MIDN: variants seen among roughly 807,000 people sequenced by gnomAD.
The protein encoded by MIDN is midbrain nucleolar protein.
In MIDN, 26 loss-of-function variants were observed where a neutral mutation model predicts 46.1. That is an observed-to-expected ratio of 0.56 (90% CI 0.41 to 0.78). The LOEUF is 0.78. Ranked by LOEUF, MIDN falls within the 30% of genes least tolerant of loss-of-function variation. The pLI is 0.00. For synonymous variants in MIDN, 432 were observed against 343.3 expected (o/e 1.26, Z -2.86); for missense variants, 850 against 771.8 (o/e 1.10, Z -1.20).
rs553934553 is a variant in MIDN, at chr19:1,251,729, C to T, written c.321+80C>T. 1,275 of 1,521,352 alleles carry T rather than the reference C, an allele frequency of 8.4e-4. 2 individuals carry two copies. Among genetic ancestry groups the T allele is most frequent in the Non-Finnish European group, 1.1e-3 (1,199 of 1,110,002 alleles). 94.2% of individuals were successfully genotyped at this position (1,521,352 alleles called of 1,614,324 possible). On this transcript the variant is annotated intron_variant, in intron 3 of 8. Coordinates refer to ENST00000682408, the MANE Select transcript of MIDN (RefSeq NM_001388306.1). ...CCCTCCCTCGGTACCTGTCCGCACA[C>T]ACACTACCTGGGGCCCCCACCCCGC...
In MIDN at chr19:1,254,900, A is replaced by G. The variant is rs774473060; in HGVS notation, c.826-2A>G. On this transcript the variant is annotated splice_acceptor_variant, in intron 6 of 8. Transcript: ENST00000682408. LOFTEE classifies it high-confidence loss of function. Reference sequence around the variant, plus strand: ...TGCTCATGTGCCCCTTCCTCCCATCAGCAGATGGACTGCTCCCCCACGGCC... The same window carrying G: ...TGCTCATGTGCCCCTTCCTCCCATCGGCAGATGGACTGCTCCCCCACGGCC... The G allele has an allele frequency of 6.3e-7, 1 of 1,599,076 alleles. No homozygotes were observed. The highest frequency in any genetic ancestry group is 1.3e-5 in the African/African-American group (1 of 74,536).
rs764226378 is a variant in MIDN at position 1,254,114 on chromosome 19, GC to G, written c.513+33del. ...GCGCGGGGGGACTGGGCCGGGCTGG[GC>G]TGGGGGCGCCGCAAGCTGGGGCTCC... On this transcript the variant is annotated intron_variant, in intron 5 of 8. Transcript: ENST00000682408. 3 of 1,553,704 alleles carry G rather than the reference GC, an allele frequency of 1.9e-6. No individual in the cohort carries two copies. In the South Asian group the frequency reaches 3.5e-5, roughly 18 times the overall value.
chr19:1,255,344 G>A (rs1024477880), intron 7 of MIDN, 78 bp from the exon 8 acceptor site: 25 of 1,472,894 alleles, frequency 1.7e-5, no homozygotes, highest in Non-Finnish European at 2.1e-5. Flanking sequence ...GAGCTCATGA[G>A]CTCACACCCG....
chr19:1,256,848 A>T, intron 8 of MIDN, 147 bp from the exon 9 acceptor site: 1 of 1,185,262 alleles, frequency 8.4e-7, no homozygotes, highest in Non-Finnish European at 1.2e-6. Context: ...GGCATGGTGG[A>T]TGTCCTTGAC....
At position 1,253,978 on chromosome 19, in the gene MIDN, CGGGCT is replaced by C. The variant is rs1599983332; in HGVS notation, c.412_416del (p.Ala138ArgfsTer13). On this transcript the variant is annotated frameshift_variant, in exon 5 of 9. Coordinates refer to ENST00000682408, the MANE Select transcript of MIDN (RefSeq NM_001388306.1). LOFTEE classifies it high-confidence loss of function. The stretch of plus-strand genomic sequence containing the variant: ...GCCCCCAGCGGCGCCCGGGCCGGGC[CGGGCT>C]GGCGGAGGAGGCTTCCGGAAATACA... The C allele has an allele frequency of 7.2e-7, 1 of 1,393,842 alleles. No individual in the cohort carries two copies. Among genetic ancestry groups the C allele is most frequent in the Non-Finnish European group, 9.2e-7 (1 of 1,081,936 alleles). The allele number at this position is 1,393,842 out of a possible 1,614,324, so 86.3% of individuals were successfully genotyped here. A position where few individuals can be genotyped will look rare whatever the true frequency, so the allele number is the denominator to read the frequency against.
At chr19:1,254,626 C>T (rs1046814994) in intron 6 of MIDN, 148 bp downstream of exon 6, 7 of 906,764 alleles carry the variant, frequency 7.7e-6, no homozygotes, top group Non-Finnish European at 1.2e-5. Flanking sequence ...GGTGGGTGAT[C>T]CCCCAGCCTA....
intron 8 of MIDN, among the ~76,000 whole-genome samples, chr19:1,256,459 G>A (rs1277439302): frequency 6.7e-6 from 1 of 149,708 alleles, no homozygotes; most frequent in Non-Finnish European, 1.5e-5. Context: ...TCCAGCCTGG[G>A]CGACAGAGCG....
chr19:1,256,188 A>C (rs554706703), intron 8 of MIDN, among the ~76,000 whole-genome samples: 1 of 152,228 alleles, frequency 6.6e-6, no homozygotes. Flanking sequence ...AGCTCAGTTT[A>C]AAAGTGGGAA....
Position 1,255,444 on chromosome 19 carries a change from A to G in MIDN, c.1008A>G (p.Gln336=), listed in dbSNP as rs1334518198. The G allele has an allele frequency of 5.6e-6, 9 of 1,599,274 alleles. No homozygotes were observed. The South Asian group carries it at 6.7e-5, about 12-fold the overall frequency. ...TFSGTLHPNC[Q]DSSGRPRRDI... is the part of the protein sequence containing the mutation. ...CAGGCACGCTACACCCCAACTGCCAAGACAGCAGCGGGCGGCCGCGGCGTG... is the reference window on the plus strand; with the variant it reads ...CAGGCACGCTACACCCCAACTGCCAGGACAGCAGCGGGCGGCCGCGGCGTG... The change falls in exon 8 of 9, where the codon CAA becomes CAG. Residue 336 remains glutamine, a synonymous_variant. Coordinates refer to ENST00000682408, the MANE Select transcript of MIDN (RefSeq NM_001388306.1).
At position 1,253,994 on chromosome 19, in the gene MIDN, G is replaced by C; in HGVS notation, c.425G>C (p.Gly142Ala). 1 of 1,398,220 alleles carries C rather than the reference G, an allele frequency of 7.2e-7. No homozygotes were observed. The highest frequency in any genetic ancestry group is 2.9e-5 in the East Asian group (1 of 34,372). The allele number at this position is 1,398,220 out of a possible 1,614,324, so 86.6% of individuals were successfully genotyped here. The change falls in exon 5 of 9, where the codon GGC becomes GCC. Residue 142 changes from glycine (G) to alanine (A), a missense_variant. Physicochemically the swap from Gly to Ala is moderately conservative, Grantham distance 60. Transcript: ENST00000682408. ...GGGCCGGGCCGGGCTGGCGGAGGAG[G>C]CTTCCGGAAATACAGATTCATTTTA... ...APGPGRAGGGGFRKYRFILFK... is the reference protein window; with the variant it reads ...APGPGRAGGGAFRKYRFILFK...
rs111898804 is a variant in MIDN at position 1,253,044 on chromosome 19, T to TGGG, written c.385-908_385-907insGGG. ...AGGAAGGAGCTGGGTTGGGGGGGGC[T>TGGG]GGAGGGGGTGCTGGGCGGAGACACT... On this transcript the variant is annotated intron_variant, in intron 4 of 8. Coordinates refer to ENST00000682408, the MANE Select transcript of MIDN (RefSeq NM_001388306.1). Among the ~76,000 whole-genome samples, 169 of 131,842 alleles carry TGGG rather than the reference T, an allele frequency of 1.3e-3. 2 individuals are homozygous for TGGG. The highest frequency in any genetic ancestry group is 5.0e-3 in the African/African-American group (152 of 30,672). 86.5% of individuals were successfully genotyped at this position (131,842 alleles called of 152,430 possible). A position where few individuals can be genotyped will look rare whatever the true frequency, so the allele number is the denominator to read the frequency against.
At chr19:1,252,949 T>TG (rs1443621865) in intron 4 of MIDN, among the ~76,000 whole-genome samples, 1 of 133,974 alleles carries the variant, frequency 7.5e-6, no homozygotes, top group East Asian at 2.4e-4. Flanking sequence ...TCCCCGCCGC[T>TG]GGGGGGCTGC....
chr19:1,257,388 C>T lies in MIDN; in HGVS notation c.*116C>T. 1.3e-6 allele frequency: 1 copy of T among 756,260 alleles called. No homozygotes were observed. The highest frequency in any genetic ancestry group is 2.2e-6 in the Non-Finnish European group (1 of 454,450). The allele number at this position is 756,260 out of a possible 1,614,324, so 46.8% of individuals were successfully genotyped here. ...GAGGGCAGGCGGCCACTCCCCCAGC[C>T]AGAAGTCTTTTTTTCTTTTCTTCTT... On this transcript the variant is annotated 3_prime_UTR_variant, in exon 9 of 9. Coordinates refer to ENST00000682408, the MANE Select transcript of MIDN (RefSeq NM_001388306.1).
At chr19:1,253,859 G>GCCCCGC in intron 4 of MIDN, 95 bp from the exon 5 acceptor site, 1 of 1,077,242 alleles carries the variant, frequency 9.3e-7, no homozygotes, top group Non-Finnish European at 1.2e-6. Flanking sequence ...TGCCAGCTGG[G>GCCCCGC]CCCCGCCCCC....
rs1287032027 is a variant in MIDN, at chr19:1,251,898, G to T, written c.381G>T (p.Thr127=). The T allele has an allele frequency of 6.2e-7, 1 of 1,613,002 alleles. No homozygotes were observed. The highest frequency in any genetic ancestry group is 8.5e-7 in the Non-Finnish European group (1 of 1,179,602). ...VMQALESLTE[T]QPPAAPGPGR... ...AAGCTCTCGAGAGTCTCACGGAGAC[G>T]CAGGTAAGACCTCGCCAGCCCCTTC... Residue 127 remains threonine (T), a synonymous_variant, in exon 4 of 9, where the codon ACG becomes ACT. Transcript: ENST00000682408.
At chr19:1,255,160 T>A in intron 7 of MIDN, 99 bp downstream of exon 7, 1 of 1,391,608 alleles carries the variant, frequency 7.2e-7, no homozygotes, top group Non-Finnish European at 9.9e-7. Context: ...ATTCTGGGCA[T>A]ACACAGGCTG....
rs1000376514 is a variant in MIDN, at chr19:1,254,027, G to A, written c.458G>A (p.Arg153His). ...FRKYRFILFK[R>H]PWHRQGPQSP... ...AAATACAGATTCATTTTATTTAAGC[G>A]TCCGTGGCACCGACAGGGACCCCAG... Residue 153 changes from arginine (R) to histidine (H), a missense_variant, in exon 5 of 9, where the codon CGT (arginine) becomes CAT (histidine). Coordinates refer to ENST00000682408, the MANE Select transcript of MIDN (RefSeq NM_001388306.1). 186 of 1,429,192 alleles carry A rather than the reference G, an allele frequency of 1.3e-4. No homozygotes were observed. Among genetic ancestry groups the A allele is most frequent in the Non-Finnish European group, 1.4e-4 (159 of 1,099,892 alleles). The allele number at this position is 1,429,192 out of a possible 1,614,324, so 88.5% of individuals were successfully genotyped here. A position where few individuals can be genotyped will look rare whatever the true frequency, so the allele number is the denominator to read the frequency against.
At chr19:1,249,614 G>C (rs1280239649) in intron 1 of MIDN, among the ~76,000 whole-genome samples, 1 of 149,300 alleles carries the variant, frequency 6.7e-6, no homozygotes, top group Non-Finnish European at 1.5e-5. Flanking sequence ...GGCGGGGCGG[G>C]GGCGGGCGCG....
intron 6 of MIDN, 127 bp from the exon 7 acceptor site, chr19:1,254,775 T>C: frequency 8.6e-7 from 1 of 1,165,580 alleles, no homozygotes; most frequent in Non-Finnish European, 1.2e-6. Flanking sequence ...CTTGGGCTAG[T>C]TTATCTCTAA....
Sources: gnomAD v4.1 joint callset for allele counts (sites outside exome capture counted in the v4.1 genomes callset) on GRCh38, gnomAD v4.1.1 for gene constraint, MANE v1.5 for transcripts, NCBI Gene and HGNC (gene_info 2026-07-23, HGNC 2026-07-21) for gene names.